The following ZNF277 variants were observed in gnomAD, a reference collection of about 807,000 sequenced individuals.
ZNF277 encodes zinc finger protein 277.
In ZNF277, 55 loss-of-function variants were observed where a neutral mutation model predicts 60.7. The observed-to-expected ratio is 0.91, with a 90% CI of 0.73 to 1.13. The LOEUF is 1.13. ZNF277 is among the 50% of genes most tolerant of loss of function. The pLI is 0.00. For synonymous variants in ZNF277, 178 were observed against 179.3 expected (o/e 0.99, Z 0.06); for missense variants, 510 against 523.0 (o/e 0.98, Z 0.24).
At position 112,276,487 on chromosome 7, in the gene ZNF277, G is replaced by T. The variant is rs79513189; in HGVS notation, c.92-10386G>T. On this transcript the variant is annotated intron_variant, in intron 1 of 11. Transcript: ENST00000361822. ...GAATGTAAAAATAAAAATTTGGACG[G>T]GGAGCAAAAGACTTGTTTTCCCTGA... Among the ~76,000 whole-genome samples, 26 of 152,206 alleles carry T rather than the reference G, an allele frequency of 1.7e-4. No homozygotes were observed. The East Asian group carries it at 5.0e-3, about 29-fold the overall frequency.
chr7:112,285,490 A>G (rs974592591), intron 1 of ZNF277, among the ~76,000 whole-genome samples: 3 of 144,862 alleles, frequency 2.1e-5, no homozygotes, highest in East Asian at 2.0e-4. Flanking sequence ...GCTAGAGTGC[A>G]GTGGCGCCAT....
At chr7:112,301,405 C>G (rs545170386) in intron 4 of ZNF277, among the ~76,000 whole-genome samples, 28 of 152,224 alleles carry the variant, frequency 1.8e-4, no homozygotes. Flanking sequence ...CTAAATTGCC[C>G]AGCATCCAAT....
intron 1 of ZNF277, among the ~76,000 whole-genome samples, chr7:112,281,588 G>A (rs188171628): frequency 2.6e-5 from 4 of 152,024 alleles, no homozygotes; most frequent in African/African-American, 9.7e-5. Flanking sequence ...GGCCTGTTAC[G>A]CCAAGGCCCA....
At chr7:112,274,251 G>A (rs1284314064) in intron 1 of ZNF277, among the ~76,000 whole-genome samples, 2 of 151,918 alleles carry the variant, frequency 1.3e-5, no homozygotes, top group East Asian at 1.9e-4. Context: ...TCAACCTCCC[G>A]GGCCCAAGCA....
At chr7:112,317,048 G>T (rs1011984027) in intron 4 of ZNF277, among the ~76,000 whole-genome samples, 8 of 151,912 alleles carry the variant, frequency 5.3e-5, no homozygotes, top group Admixed American at 4.6e-4. Flanking sequence ...AACTAACACA[G>T]GAACAGAAAA....
chr7:112,342,441 AAATGC>A, intron 11 of ZNF277, 115 bp from the exon 12 acceptor site: 1 of 836,094 alleles, frequency 1.2e-6, no homozygotes, highest in Non-Finnish European at 1.7e-6. Context: ...AGCCTTTGCA[AAATGC>A]TATGAAATTG....
intron 1 of ZNF277, among the ~76,000 whole-genome samples, chr7:112,242,471 G>T (rs192500070): frequency 6.7e-6 from 1 of 148,964 alleles, no homozygotes; most frequent in Non-Finnish European, 1.5e-5. Context: ...GTTAAGTAAC[G>T]TACAAAAATT....
intron 7 of ZNF277, among the ~76,000 whole-genome samples, chr7:112,332,319 C>T (rs1012589999): frequency 6.6e-6 from 1 of 152,046 alleles, no homozygotes; most frequent in African/African-American, 2.4e-5. Flanking sequence ...AATTTTGTGA[C>T]ACAGGTATTG....
In ZNF277 at chr7:112,243,437, A is replaced by G. The variant is rs1346931458; in HGVS notation, c.91+36630A>G. ...AATACTTGCAAACTGTGTATCTGAC[A>G]AAGGACTAATACCAGAATCCACAAG... On this transcript the variant is annotated intron_variant, in intron 1 of 11. Transcript: ENST00000361822. Among the ~76,000 whole-genome samples, 4 of 151,980 alleles carry G rather than the reference A, an allele frequency of 2.6e-5. No homozygotes were observed. In the East Asian group the frequency reaches 5.8e-4, roughly 22 times the overall value.
At chr7:112,324,804 C>T (rs1423803678) in intron 5 of ZNF277, among the ~76,000 whole-genome samples, 13 of 151,990 alleles carry the variant, frequency 8.6e-5, no homozygotes, top group Admixed American at 5.2e-4. Flanking sequence ...TTATGGAGGC[C>T]GAGAAGTGCC....
At chr7:112,283,973 A>G (rs936791563) in intron 1 of ZNF277, among the ~76,000 whole-genome samples, 22 of 152,332 alleles carry the variant, frequency 1.4e-4, no homozygotes, top group African/African-American at 4.8e-4. Flanking sequence ...AAGAAGAAAC[A>G]GTTGGAGAAA....
At chr7:112,251,637 C>CT (rs1791202124) in intron 1 of ZNF277, among the ~76,000 whole-genome samples, 1 of 152,166 alleles carries the variant, frequency 6.6e-6, no homozygotes, top group African/African-American at 2.4e-5. Context: ...ATATTCTTTA[C>CT]TAGTGATACC....
chr7:112,254,199 T>C (rs1056839955), intron 1 of ZNF277, among the ~76,000 whole-genome samples: 1 of 152,224 alleles, frequency 6.6e-6, no homozygotes, highest in African/African-American at 2.4e-5. Context: ...TGAGACACCA[T>C]CTTCTTCCCC....
intron 1 of ZNF277, among the ~76,000 whole-genome samples, chr7:112,227,550 G>A (rs1401548324): frequency 6.6e-6 from 1 of 152,168 alleles, no homozygotes; most frequent in Non-Finnish European, 1.5e-5. Flanking sequence ...GTAGGTTACC[G>A]TCTATTTACA....
chr7:112,308,833 T>A (rs910230817), intron 4 of ZNF277, among the ~76,000 whole-genome samples: 9 of 152,064 alleles, frequency 5.9e-5, no homozygotes, highest in African/African-American at 2.2e-4. Context: ...AGAGCCTTCA[T>A]AAGGAAATGA....
At chr7:112,268,444 A>G (rs562130123) in intron 1 of ZNF277, among the ~76,000 whole-genome samples, 1 of 152,172 alleles carries the variant, frequency 6.6e-6, no homozygotes, top group African/African-American at 2.4e-5. Context: ...AGTATTATCT[A>G]TATCTTCCTT....
intron 4 of ZNF277, among the ~76,000 whole-genome samples, chr7:112,299,962 T>C (rs1792438700): frequency 6.6e-6 from 1 of 151,120 alleles, no homozygotes; most frequent in Non-Finnish European, 1.5e-5. Context: ...TATGGTTTGC[T>C]CTTAGTTCAA....
chr7:112,228,895 C>T (rs1822249185), intron 1 of ZNF277, among the ~76,000 whole-genome samples: 1 of 152,128 alleles, frequency 6.6e-6, no homozygotes, highest in African/African-American at 2.4e-5. Context: ...ACTCCCTGAA[C>T]TTCTGTTTTC....
At chr7:112,208,167 G>A (rs1821616536) in intron 1 of ZNF277, among the ~76,000 whole-genome samples, 1 of 152,124 alleles carries the variant, frequency 6.6e-6, no homozygotes, top group Non-Finnish European at 1.5e-5. Context: ...ACAAGGTCAG[G>A]AGTTCGAGAC....
Sources: gnomAD v4.1 joint callset for allele counts (sites outside exome capture counted in the v4.1 genomes callset) on GRCh38, gnomAD v4.1.1 for gene constraint, MANE v1.5 for transcripts, NCBI Gene and HGNC (gene_info 2026-07-23, HGNC 2026-07-21) for gene names.